Variants in LRMDA observed in about 807,000 individuals in gnomAD.
LRMDA encodes leucine rich melanocyte differentiation associated, also known as leucine-rich melanocyte differentiation-associated protein.
LRMDA carries 18 observed loss-of-function variants against 29.8 expected under a neutral mutation model. The ratio of observed to expected loss-of-function variants is 0.60; its 90% confidence interval spans 0.42 to 0.90. The LOEUF is 0.90. Among genes scored for constraint, LRMDA ranks in the 40% least tolerant of loss-of-function variants. The pLI, the probability that LRMDA is intolerant of heterozygous loss-of-function variation, is 0.00. For synonymous variants in LRMDA, 125 were observed against 109.4 expected (o/e 1.14, Z -0.89); for missense variants, 273 against 273.9 (o/e 1.00, Z 0.02).
chr10:75,559,726 G>C (rs1213268132), intron 2 of LRMDA, among the ~76,000 whole-genome samples: 1 of 145,902 alleles, frequency 6.9e-6, no homozygotes, highest in African/African-American at 2.5e-5. Context: ...GTAAGGAAGG[G>C]ATCCAGTTTC....
At chr10:75,843,505 C>G (rs988024317) in intron 2 of LRMDA, among the ~76,000 whole-genome samples, 1 of 152,108 alleles carries the variant, frequency 6.6e-6, no homozygotes, top group African/African-American at 2.4e-5. Flanking sequence ...GATGAGTTTC[C>G]TGTGTCTTTC....
At chr10:76,143,672 G>C (rs918516388) in intron 5 of LRMDA, among the ~76,000 whole-genome samples, 18 of 152,140 alleles carry the variant, frequency 1.2e-4, no homozygotes, top group African/African-American at 4.3e-4. Flanking sequence ...AGTTTGTTTT[G>C]CTGTGCAGAA....
chr10:76,076,318 C>G (rs757107934), intron 5 of LRMDA, among the ~76,000 whole-genome samples: 35 of 141,702 alleles, frequency 2.5e-4, no homozygotes, highest in Non-Finnish European at 4.2e-4. Context: ...TGCACTCCAG[C>G]CTGGGCGACA....
At chr10:76,531,911 G>C (rs552175375) in intron 6 of LRMDA, among the ~76,000 whole-genome samples, 1 of 152,200 alleles carries the variant, frequency 6.6e-6, no homozygotes, top group Non-Finnish European at 1.5e-5. Context: ...TGGGCCTGGA[G>C]TTATCTTCAT....
At chr10:75,749,702 C>A (rs1472546053) in intron 2 of LRMDA, among the ~76,000 whole-genome samples, 1 of 149,244 alleles carries the variant, frequency 6.7e-6, no homozygotes, top group Non-Finnish European at 1.5e-5. Context: ...GGTCATAGGA[C>A]AATAGTGGAG....
chr10:75,948,568 G>A (rs184418037), intron 2 of LRMDA, among the ~76,000 whole-genome samples: 38 of 152,226 alleles, frequency 2.5e-4, no homozygotes, highest in African/African-American at 8.9e-4. Context: ...GCCGACCAAG[G>A]TAAAATAGAT....
chr10:76,276,334 G>A (rs1003500130), intron 5 of LRMDA, among the ~76,000 whole-genome samples: 1 of 151,488 alleles, frequency 6.6e-6, no homozygotes, highest in African/African-American at 2.4e-5. Flanking sequence ...TGCAGTGATG[G>A]GGTCTTGCTC....
At chr10:75,822,666 A>G (rs1375065144) in intron 2 of LRMDA, among the ~76,000 whole-genome samples, 1 of 152,156 alleles carries the variant, frequency 6.6e-6, no homozygotes, top group Non-Finnish European at 1.5e-5. Flanking sequence ...TTACCTATAA[A>G]CAACTGATCT....
intron 2 of LRMDA, among the ~76,000 whole-genome samples, chr10:75,860,011 AT>A (rs1255696713): frequency 6.6e-6 from 1 of 152,188 alleles, no homozygotes; most frequent in Non-Finnish European, 1.5e-5. Context: ...TTTGCTAAGT[AT>A]TTTGAAATAC....
intron 2 of LRMDA, among the ~76,000 whole-genome samples, chr10:75,667,244 A>C (rs550855597): frequency 2.0e-5 from 3 of 152,140 alleles, no homozygotes; most frequent in African/African-American, 7.2e-5. Context: ...GTAAGAATAA[A>C]ATTTTATGAA....
rs544109679 is a variant in LRMDA at position 75,790,971 on chromosome 10, A to T, written c.132-245037A>T. ...GAACACTGAGATCAACTATTTGCCT[A>T]TTTGATCCTCTTGCAGTTAATGTAA... On this transcript the variant is annotated intron_variant, in intron 2 of 6. Transcript: ENST00000611255. Among the ~76,000 whole-genome samples the T allele has an allele frequency of 9.8e-5, 15 of 152,328 alleles. No homozygotes were observed. The South Asian group carries it at 3.1e-3, about 32-fold the overall frequency.
At chr10:76,156,324 T>C (rs1474934029) in intron 5 of LRMDA, among the ~76,000 whole-genome samples, 1 of 152,294 alleles carries the variant, frequency 6.6e-6, no homozygotes, top group African/African-American at 2.4e-5. Context: ...TCACAGGTGA[T>C]GAGAACTCAT....
intron 5 of LRMDA, among the ~76,000 whole-genome samples, chr10:76,082,389 A>C (rs899574317): frequency 5.3e-5 from 8 of 152,186 alleles, no homozygotes; most frequent in African/African-American, 1.9e-4. Flanking sequence ...TGCATCATCC[A>C]CAAAATCAGG....
intron 6 of LRMDA, among the ~76,000 whole-genome samples, chr10:76,482,923 A>C (rs564460672): frequency 1.2e-4 from 19 of 152,060 alleles, no homozygotes; most frequent in African/African-American, 4.6e-4. Flanking sequence ...TTTTTGGCAT[A>C]ATGTTCCATA....
chr10:76,282,045 A>G lies in LRMDA; in HGVS notation c.517-42356A>G, dbSNP rs181712828. On this transcript the variant is annotated intron_variant, in intron 5 of 6. Transcript: ENST00000611255. ...ATATGGCAAAGATGCCTCTGTAATT[A>G]TAGAAAGTTTATTTCTGTCCCCAGA... 6.3e-4 allele frequency among the ~76,000 whole-genome samples: 96 copies of G among 152,334 alleles called. 1 individual carries two copies. Among genetic ancestry groups the G allele is most frequent in the African/African-American group, 2.3e-3 (95 of 41,582 alleles).
chr10:76,055,905 C>T (rs779868322), intron 4 of LRMDA, among the ~76,000 whole-genome samples: 3 of 152,244 alleles, frequency 2.0e-5, no homozygotes, highest in East Asian at 1.9e-4. Context: ...CAAAGGGCCA[C>T]AGCTCTTCTC....
At chr10:76,277,850 T>G (rs1456576431) in intron 5 of LRMDA, among the ~76,000 whole-genome samples, 1 of 152,192 alleles carries the variant, frequency 6.6e-6, no homozygotes, top group Non-Finnish European at 1.5e-5. Flanking sequence ...TTTATTGGAA[T>G]AGCCAGACTT....
Position 76,009,889 on chromosome 10 carries a change from C to T in LRMDA, c.132-26119C>T, listed in dbSNP as rs985861965. Reference sequence around the variant, plus strand: ...ATTTCATCTTCCCCCTGTCAGAACTCACCCTCTGGCAGAAATCTTTTCCGA... The same window carrying T: ...ATTTCATCTTCCCCCTGTCAGAACTTACCCTCTGGCAGAAATCTTTTCCGA... On this transcript the variant is annotated intron_variant, in intron 2 of 6. Coordinates refer to ENST00000611255, the MANE Select transcript of LRMDA (RefSeq NM_001305581.2). Among the ~76,000 whole-genome samples, 6 of 151,590 alleles carry T rather than the reference C, an allele frequency of 4.0e-5. No individual in the cohort carries two copies. The East Asian group carries it at 9.7e-4, about 25-fold the overall frequency.
Position 75,445,038 on chromosome 10 carries a change from C to T in LRMDA, c.131+6544C>T, listed in dbSNP as rs117607322. On this transcript the variant is annotated intron_variant, in intron 2 of 6. Coordinates refer to ENST00000611255, the MANE Select transcript of LRMDA (RefSeq NM_001305581.2). ...CAACCTCCCAGGCTCAAACGATCCT[C>T]CCACCTCAGCCCCTTGAGTAGCTGG... 7.9e-4 allele frequency among the ~76,000 whole-genome samples: 120 copies of T among 152,324 alleles called. No homozygotes were observed. In the East Asian group the frequency reaches 0.016, roughly 21 times the overall value.
Sources: allele counts gnomAD v4.1 joint callset (sites outside exome capture counted in the v4.1 genomes callset), GRCh38; gene constraint gnomAD v4.1.1; transcripts MANE v1.5; gene names NCBI Gene and HGNC (gene_info 2026-07-23, HGNC 2026-07-21).